DDX31: variants seen among roughly 807,000 people sequenced by gnomAD.
DDX31 encodes the protein ATP-dependent DNA helicase DDX31.
A neutral mutation model predicts 91.3 loss-of-function variants in DDX31; 70 were observed. The ratio of observed to expected loss-of-function variants is 0.77; its 90% CI spans 0.63 to 0.94. The LOEUF is 0.94. Ranked by LOEUF, DDX31 falls within the 40% of genes least tolerant of loss-of-function variation. The probability of loss-of-function intolerance (pLI) is 0.00; values close to 1 mark genes in which losing one functional copy is unlikely to be tolerated. For synonymous variants in DDX31, 362 were observed against 350.6 expected, an observed-to-expected ratio of 1.03 and a Z score of -0.36; for missense variants, 902 against 925.0, an observed-to-expected ratio of 0.98 and a Z score of 0.32.
Position 132,653,157 on chromosome 9 carries a change from A to C in DDX31, c.589-665T>G, listed in dbSNP as rs570972011. Reference sequence around the variant, plus strand: ...AGAGAACTAATGTAAAATCTATTACAAACAAGATAATTTTGTCAAGCAGCT... The same window carrying C: ...AGAGAACTAATGTAAAATCTATTACCAACAAGATAATTTTGTCAAGCAGCT... On this transcript the variant is annotated intron_variant, in intron 6 of 19. Coordinates refer to ENST00000372159, the MANE Select transcript of DDX31 (RefSeq NM_022779.9). 9.7e-4 allele frequency among the ~76,000 whole-genome samples: 147 copies of C among 152,154 alleles called. 1 individual carries two copies. Among genetic ancestry groups the C allele is most frequent in the African/African-American group, 3.5e-3 (146 of 41,544 alleles).
intron 1 of DDX31, among the ~76,000 whole-genome samples, chr9:132,665,139 G>A (rs1216206624): frequency 6.6e-6 from 1 of 152,200 alleles, no homozygotes; most frequent in Admixed American, 6.5e-5. Flanking sequence ...GGGCCAGTCT[G>A]TCCTACATAG....
intron 14 of DDX31, chr9:132,637,999 G>A (rs1231923238): frequency 3.6e-6 from 4 of 1,106,366 alleles, no homozygotes; most frequent in Non-Finnish European, 4.4e-6. Context: ...TGCACAGACA[G>A]AACAGTATGC....
chr9:132,648,411 T>C, intron 10 of DDX31, 21 bp downstream of exon 10: 1 of 1,612,190 alleles, frequency 6.2e-7, no homozygotes, highest in Non-Finnish European at 8.5e-7. Context: ...CTACCTGTTA[T>C]CATCCTGGGA....
rs150958033 is a variant in DDX31 at position 132,661,260 on chromosome 9, G to C, written c.409-9C>G. 589 of 1,588,662 alleles carry C rather than the reference G, an allele frequency of 3.7e-4. No homozygotes were observed. In the African/African-American group the frequency reaches 6.9e-3, roughly 19 times the overall value. On this transcript the variant is annotated splice_polypyrimidine_tract_variant and intron_variant, in intron 3 of 19. Transcript: ENST00000372159. ...GTATTTATTGTGGAAATCTAAAAGA[G>C]GAGATGAAAAAGCTTTAATTAATAT...
intron 17 of DDX31, among the ~76,000 whole-genome samples, chr9:132,619,151 T>C (rs1168212040): frequency 1.3e-5 from 2 of 152,344 alleles, no homozygotes; most frequent in South Asian, 2.1e-4. Context: ...GTTAATAAAA[T>C]AGACAATTAT....
chr9:132,650,415 T>C, intron 8 of DDX31, 117 bp from the exon 9 acceptor site: 1 of 905,958 alleles, frequency 1.1e-6, no homozygotes, highest in Non-Finnish European at 1.8e-6. Context: ...CTTCTCATTG[T>C]ATAAGGTGTT....
At chr9:132,608,863 C>T (rs906376905) in intron 19 of DDX31, among the ~76,000 whole-genome samples, 1 of 152,142 alleles carries the variant, frequency 6.6e-6, no homozygotes, top group Non-Finnish European at 1.5e-5. Flanking sequence ...CAGCAACTGG[C>T]ATTTGCTCAA....
chr9:132,632,840 G>A (rs759965511), intron 14 of DDX31, among the ~76,000 whole-genome samples: 1 of 152,150 alleles, frequency 6.6e-6, no homozygotes, highest in African/African-American at 2.4e-5. Flanking sequence ...TTAATTTTAT[G>A]TATCTTTTCA....
chr9:132,629,288 G>C (rs990299064), intron 16 of DDX31, among the ~76,000 whole-genome samples: 1 of 152,178 alleles, frequency 6.6e-6, no homozygotes, highest in African/African-American at 2.4e-5. Context: ...CTATTATTTT[G>C]GCCCCCTGAC....
chr9:132,651,200 A>G, intron 7 of DDX31, 84 bp from the exon 8 acceptor site: 1 of 1,160,000 alleles, frequency 8.6e-7, no homozygotes, highest in Non-Finnish European at 1.3e-6. Flanking sequence ...ATTAGGATCC[A>G]AACTTGGACC....
chr9:132,665,096 C>T (rs1185252521), intron 1 of DDX31, among the ~76,000 whole-genome samples: 1 of 152,218 alleles, frequency 6.6e-6, no homozygotes, highest in East Asian at 1.9e-4. Context: ...TTATGTCTGT[C>T]TTTCCCGTTA....
chr9:132,660,591 A>G (rs140629739), intron 4 of DDX31, among the ~76,000 whole-genome samples: 3,370 of 152,304 alleles, frequency 0.022, 126 homozygotes, highest in African/African-American at 0.078. Context: ...AAGAAACAAA[A>G]GAGACACAAA....
intron 1 of DDX31, chr9:132,669,569 C>A (rs767605531): frequency 6.8e-7 from 1 of 1,466,782 alleles, no homozygotes; most frequent in South Asian, 1.2e-5. Context: ...TCAGGTCCTA[C>A]CTTCCACGGG....
At chr9:132,620,420 C>CAA (rs1208464360) in intron 17 of DDX31, among the ~76,000 whole-genome samples, 6 of 107,364 alleles carry the variant, frequency 5.6e-5, no homozygotes, top group African/African-American at 1.7e-4. Context: ...TCTTCCCAAC[C>CAA]AAAAAAAAAA....
chr9:132,642,963 T>C (rs1808392900), intron 13 of DDX31, among the ~76,000 whole-genome samples: 1 of 152,018 alleles, frequency 6.6e-6, no homozygotes, highest in African/African-American at 2.4e-5. Flanking sequence ...TAGCTGGGAC[T>C]ACAGGCATAC....
Position 132,661,785 on chromosome 9 carries a change from T to C in DDX31, c.408+476A>G, listed in dbSNP as rs78493063. On this transcript the variant is annotated intron_variant, in intron 3 of 19. Coordinates refer to ENST00000372159, the MANE Select transcript of DDX31 (RefSeq NM_022779.9). ...TTCCTTTAAAGTGTCCATTTGTTTG[T>C]AGAACACACACCAAAATACTCTTCT... Among the ~76,000 whole-genome samples, 451 of 152,306 alleles carry C rather than the reference T, an allele frequency of 3.0e-3. 5 individuals carry two copies. Among genetic ancestry groups the C allele is most frequent in the African/African-American group, 0.01 (423 of 41,550 alleles).
At chr9:132,658,386 T>C (rs1419305662) in intron 6 of DDX31, 1 of 702,960 alleles carries the variant, frequency 1.4e-6, no homozygotes, top group Non-Finnish European at 2.6e-6. Flanking sequence ...AGAGAGCAGT[T>C]AAAGATTCAA....
chr9:132,621,027 G>A (rs1357796102), intron 17 of DDX31, among the ~76,000 whole-genome samples: 3 of 152,202 alleles, frequency 2.0e-5, no homozygotes, highest in Non-Finnish European at 4.4e-5. Context: ...CTTATTTTAA[G>A]ATCTCGCAAT....
At chr9:132,624,543 G>A (rs1832273520) in intron 17 of DDX31, among the ~76,000 whole-genome samples, 1 of 152,134 alleles carries the variant, frequency 6.6e-6, no homozygotes, top group African/African-American at 2.4e-5. Context: ...AAATATATGT[G>A]CTTTGAAGTT....
Sources: allele counts gnomAD v4.1 joint callset (sites outside exome capture counted in the v4.1 genomes callset), GRCh38; gene constraint gnomAD v4.1.1; transcripts MANE v1.5; gene names NCBI Gene and HGNC (gene_info 2026-07-23, HGNC 2026-07-21).